Variants in ATRNL1 observed in about 807,000 individuals in gnomAD.
The protein encoded by ATRNL1 is attractin-like protein 1.
Under a neutral mutation model 182.7 loss-of-function variants are expected in ATRNL1, and 95 were observed. That is an observed-to-expected ratio of 0.52 (90% CI 0.44 to 0.62). The LOEUF (loss-of-function observed/expected upper bound fraction) is 0.62, where lower values mean the gene tolerates loss of function less well. Among genes scored for constraint, ATRNL1 ranks in the 20% least tolerant of loss-of-function variants. ATRNL1 has a pLI of 0.00. For missense variants in ATRNL1, 1,471 were observed against 1,679.5 expected, an observed-to-expected ratio of 0.88 and a Z score of 2.17; for synonymous variants, 576 against 568.3, an observed-to-expected ratio of 1.01 and a Z score of -0.19.
chr10:115,286,880 A>C (rs782819020), intron 15 of ATRNL1, among the ~76,000 whole-genome samples: 2 of 151,998 alleles, frequency 1.3e-5, no homozygotes, highest in South Asian at 2.1e-4. Flanking sequence ...ACAATACGGC[A>C]TAACAGCTAT....
At chr10:115,904,548 C>T (rs1952445034) in intron 28 of ATRNL1, among the ~76,000 whole-genome samples, 1 of 152,182 alleles carries the variant, frequency 6.6e-6, no homozygotes, top group African/African-American at 2.4e-5. Flanking sequence ...TTAATGACAC[C>T]TGTACATCCA....
intron 24 of ATRNL1, among the ~76,000 whole-genome samples, chr10:115,495,360 C>G (rs1592738609): frequency 6.6e-6 from 1 of 152,010 alleles, no homozygotes; most frequent in Non-Finnish European, 1.5e-5. Flanking sequence ...CTTCTGCTAG[C>G]TTTGGGTTTT....
chr10:115,937,070 A>G (rs1589717536), intron 28 of ATRNL1, among the ~76,000 whole-genome samples: 1 of 152,244 alleles, frequency 6.6e-6, no homozygotes, highest in Non-Finnish European at 1.5e-5. Flanking sequence ...ATTAAAAACA[A>G]TGATTTGAGA....
At chr10:115,464,885 C>T (rs1847978926) in intron 22 of ATRNL1, among the ~76,000 whole-genome samples, 1 of 151,568 alleles carries the variant, frequency 6.6e-6, no homozygotes, top group Non-Finnish European at 1.5e-5. Context: ...TTTGAGTTCC[C>T]AGTCCTCTGG....
chr10:115,186,423 A>G (rs1847943936), intron 8 of ATRNL1, among the ~76,000 whole-genome samples: 1 of 152,172 alleles, frequency 6.6e-6, no homozygotes, highest in African/African-American at 2.4e-5. Flanking sequence ...TGTTTGTTGC[A>G]GTACTATTCA....
At chr10:115,531,819 A>T (rs1460429345) in intron 25 of ATRNL1, among the ~76,000 whole-genome samples, 1 of 145,698 alleles carries the variant, frequency 6.9e-6, no homozygotes, top group African/African-American at 2.4e-5. Context: ...GGTGTAAGGA[A>T]GGGATCCAGT....
chr10:115,380,498 T>C (rs1315457771), intron 19 of ATRNL1, among the ~76,000 whole-genome samples: 1 of 152,098 alleles, frequency 6.6e-6, no homozygotes, highest in Non-Finnish European at 1.5e-5. Flanking sequence ...AAGCCCTCAG[T>C]CATTAGCAGC....
chr10:115,807,767 C>T (rs1335785755), intron 27 of ATRNL1, among the ~76,000 whole-genome samples: 5 of 152,078 alleles, frequency 3.3e-5, no homozygotes, highest in Admixed American at 2.0e-4. Flanking sequence ...TAGTTAATAG[C>T]GTTAACAAAT....
intron 26 of ATRNL1, among the ~76,000 whole-genome samples, chr10:115,624,415 T>C (rs994039356): frequency 7.0e-4 from 107 of 152,310 alleles, no homozygotes; most frequent in African/African-American, 2.4e-3. Context: ...ATATGTTATA[T>C]AGTTGTAAAT....
chr10:115,525,929 A>T (rs61880985), intron 25 of ATRNL1, among the ~76,000 whole-genome samples: 1 of 151,982 alleles, frequency 6.6e-6, no homozygotes, highest in Non-Finnish European at 1.5e-5. Context: ...ATCCGTATCA[A>T]TTGTGTAATC....
rs1554984594 is a variant in ATRNL1 at position 115,519,248 on chromosome 10, A to G, written c.3655-15A>G. On this transcript the variant is annotated splice_polypyrimidine_tract_variant and intron_variant, in intron 24 of 28. Transcript: ENST00000355044. Reference sequence around the variant, plus strand: ...GAAGAACATACTTTCAATTTTTTTTATTTTGATTTTTCAGATTGCATTCTC... The same window carrying G: ...GAAGAACATACTTTCAATTTTTTTTGTTTTGATTTTTCAGATTGCATTCTC... 6.2e-7 allele frequency: 1 copy of G among 1,604,890 alleles called. No homozygotes were observed.
intron 15 of ATRNL1, among the ~76,000 whole-genome samples, chr10:115,298,556 A>G (rs1384107032): frequency 6.6e-6 from 1 of 152,126 alleles, no homozygotes; most frequent in Non-Finnish European, 1.5e-5. Context: ...AATCTGAAAT[A>G]TCTATGTTGA....
chr10:115,186,694 A>G (rs1592228969), intron 8 of ATRNL1, among the ~76,000 whole-genome samples: 1 of 152,124 alleles, frequency 6.6e-6, no homozygotes, highest in African/African-American at 2.4e-5. Context: ...AGAGGCTGGG[A>G]AGGGTCGTTG....
At chr10:115,857,188 A>G (rs1226702341) in intron 28 of ATRNL1, among the ~76,000 whole-genome samples, 1 of 152,164 alleles carries the variant, frequency 6.6e-6, no homozygotes, top group African/African-American at 2.4e-5. Flanking sequence ...CATATACAAC[A>G]TACAAAATAC....
chr10:115,524,120 C>G (rs1055469907), intron 25 of ATRNL1, among the ~76,000 whole-genome samples: 1 of 152,124 alleles, frequency 6.6e-6, no homozygotes, highest in African/African-American at 2.4e-5. Context: ...GTTCCAGACT[C>G]TTTTAAATAA....
chr10:115,724,557 T>G (rs1406578946), intron 26 of ATRNL1, among the ~76,000 whole-genome samples: 1 of 152,196 alleles, frequency 6.6e-6, no homozygotes, highest in Non-Finnish European at 1.5e-5. Flanking sequence ...CTATTGCTAT[T>G]CCCATTTTAT....
intron 25 of ATRNL1, among the ~76,000 whole-genome samples, chr10:115,533,614 T>C (rs1554989198): frequency 6.6e-6 from 1 of 152,224 alleles, no homozygotes; most frequent in African/African-American, 2.4e-5. Flanking sequence ...TCAGTTCTGC[T>C]TTGATTTTAG....
chr10:115,132,061 C>G (rs1845264210), intron 5 of ATRNL1, among the ~76,000 whole-genome samples: 1 of 152,032 alleles, frequency 6.6e-6, no homozygotes, highest in East Asian at 1.9e-4. Context: ...GGTGTATCTC[C>G]TAATTCTATC....
intron 2 of ATRNL1, 95 bp from the exon 3 acceptor site, chr10:115,121,604 T>C (rs1554871612): frequency 2.3e-6 from 1 of 429,588 alleles, no homozygotes; most frequent in Non-Finnish European, 3.9e-6. Flanking sequence ...GTTTCTTCAC[T>C]CTGTGCTTTG....
Sources: gnomAD v4.1 joint callset for allele counts (sites outside exome capture counted in the v4.1 genomes callset) on GRCh38, gnomAD v4.1.1 for gene constraint, MANE v1.5 for transcripts, NCBI Gene and HGNC (gene_info 2026-07-23, HGNC 2026-07-21) for gene names.